Variants in KLF8 observed in about 807,000 individuals in gnomAD.
The protein encoded by KLF8 is Krueppel-like factor 8.
Under a neutral mutation model 18.2 loss-of-function variants are expected in KLF8, and 10 were observed. The ratio of observed to expected loss-of-function variants is 0.55; its 90% CI spans 0.34 to 0.93. The LOEUF (loss-of-function observed/expected upper bound fraction) is 0.93, where lower values mean the gene tolerates loss of function less well. Among genes scored for constraint, KLF8 ranks in the 40% least tolerant of loss-of-function variants. The pLI is 0.02. For missense variants in KLF8, 264 were observed against 277.9 expected (o/e 0.95, Z 0.36); for synonymous variants, 109 against 97.3 (o/e 1.12, Z -0.71).
At chrX:56,271,250 T>C (rs1409577425) in intron 5 of KLF8, among the ~76,000 whole-genome samples, 1 of 110,744 alleles carries the variant, frequency 9.0e-6, no homozygotes, top group Admixed American at 9.6e-5. Context: ...CCATGGATAC[T>C]GAGGGACGAC....
chrX:55,942,261 G>A, the KLF8 span, among the ~76,000 whole-genome samples: 20 of 110,145 alleles, frequency 1.8e-4, no homozygotes, highest in East Asian at 5.8e-4. Context: ...GCAAACTATC[G>A]CAAGGACAAA....
the KLF8 span, among the ~76,000 whole-genome samples, chrX:56,112,103 C>T: frequency 2.7e-5 from 3 of 111,814 alleles, no homozygotes; most frequent in South Asian, 1.1e-3. Flanking sequence ...CAATGATAGA[C>T]CGGATTCAGA....
the KLF8 span, among the ~76,000 whole-genome samples, chrX:56,071,118 A>G: frequency 2.7e-5 from 3 of 111,992 alleles, no homozygotes; most frequent in East Asian, 2.8e-4. Flanking sequence ...CCAATAGCTC[A>G]TAGGATTGTA....
chrX:56,224,368 A>G, the KLF8 span, among the ~76,000 whole-genome samples: 2 of 112,058 alleles, frequency 1.8e-5, no homozygotes, highest in Non-Finnish European at 3.8e-5. Context: ...CAAATTTGTC[A>G]TAGAAAATTT....
chrX:56,248,690 C>T (rs765995562), intron 1 of KLF8, among the ~76,000 whole-genome samples: 1 of 111,451 alleles, frequency 9.0e-6, no homozygotes, highest in South Asian at 3.8e-4. Flanking sequence ...TTTGGTGCCC[C>T]CCTGTGGGCT....
the KLF8 span, among the ~76,000 whole-genome samples, chrX:56,147,514 G>A: frequency 8.9e-6 from 1 of 111,791 alleles, no homozygotes; most frequent in Admixed American, 9.5e-5. Flanking sequence ...AGAAACCAGC[G>A]ACAAAAGGTC....
the KLF8 span, among the ~76,000 whole-genome samples, chrX:55,936,778 G>A: frequency 9.0e-6 from 1 of 110,979 alleles, no homozygotes; most frequent in Non-Finnish European, 1.9e-5. Context: ...CTGGCTGTTT[G>A]TTAGCACAGG....
intron 1 of KLF8, among the ~76,000 whole-genome samples, chrX:56,233,876 G>A (rs186965636): frequency 9.0e-6 from 1 of 111,485 alleles, no homozygotes; most frequent in Non-Finnish European, 1.9e-5. Context: ...TGCTTTGGGC[G>A]TGCCAGCTCT....
At chrX:56,244,642 T>A (rs2066598057) in intron 1 of KLF8, among the ~76,000 whole-genome samples, 1 of 112,162 alleles carries the variant, frequency 8.9e-6, no homozygotes, top group Non-Finnish European at 1.9e-5. Context: ...TATAGTTCTT[T>A]TTATCACCAT....
the KLF8 span, among the ~76,000 whole-genome samples, chrX:56,072,945 A>G: frequency 2.7e-5 from 3 of 110,167 alleles, no homozygotes; most frequent in African/African-American, 6.6e-5. Flanking sequence ...AAGGGGAATC[A>G]TACAATATTT....
chrX:56,129,629 C>A, the KLF8 span, among the ~76,000 whole-genome samples: 7 of 111,687 alleles, frequency 6.3e-5, no homozygotes, highest in Admixed American at 1.9e-4. Context: ...AAACCTCCAG[C>A]TAAACTTTGT....
the KLF8 span, among the ~76,000 whole-genome samples, chrX:56,176,323 G>C: frequency 9.0e-6 from 1 of 111,602 alleles, no homozygotes; most frequent in African/African-American, 3.3e-5. Context: ...TTCAGCATTT[G>C]CTTGTCTGTA....
the KLF8 span, among the ~76,000 whole-genome samples, chrX:56,069,412 T>A: frequency 9.0e-6 from 1 of 111,567 alleles, no homozygotes; most frequent in Non-Finnish European, 1.9e-5. Context: ...CCCCCACTAC[T>A]AGTAGCCAGG....
At chrX:56,282,406 G>A (rs1441837246) in intron 5 of KLF8, among the ~76,000 whole-genome samples, 1 of 112,304 alleles carries the variant, frequency 8.9e-6, no homozygotes, top group East Asian at 2.8e-4. Context: ...AGCAGCTAAT[G>A]CAGCTATTTC....
intron 1 of KLF8, among the ~76,000 whole-genome samples, chrX:56,234,161 A>G (rs1027668869): frequency 8.9e-6 from 1 of 111,759 alleles, no homozygotes; most frequent in Admixed American, 9.4e-5. Context: ...TTGGTATTAT[A>G]TTCATCGTGA....
rs769436410 is a variant in KLF8, at chrX:56,287,682, T to C, written c.*3188T>C. On this transcript the variant is annotated 3_prime_UTR_variant, in exon 6 of 6. Coordinates refer to ENST00000468660, the MANE Select transcript of KLF8 (RefSeq NM_007250.5). ...TGGGTAGATTAGGCAGAGTGCATTA[T>C]GGGCAAGACAAAGGTTTTCGATATT... 21 of 111,793 alleles carry C rather than the reference T, an allele frequency of 1.9e-4. No homozygotes were observed. The highest frequency in any genetic ancestry group is 3.0e-4 in the Non-Finnish European group (16 of 53,207). 9.2% of individuals were successfully genotyped at this position (111,793 alleles called of 1,213,427 possible). A position where few individuals can be genotyped will look rare whatever the true frequency, so the allele number is the denominator to read the frequency against.
At chrX:56,121,016 C>T in the KLF8 span, among the ~76,000 whole-genome samples, 1 of 109,701 alleles carries the variant, frequency 9.1e-6, no homozygotes, top group Non-Finnish European at 1.9e-5. Flanking sequence ...GAAACCCCGT[C>T]TCTACTGAAA....
the KLF8 span, among the ~76,000 whole-genome samples, chrX:55,917,655 C>G: frequency 9.0e-6 from 1 of 111,292 alleles, no homozygotes; most frequent in Non-Finnish European, 1.9e-5. Flanking sequence ...CACTCTTCTG[C>G]TAGCAGGAAA....
At chrX:56,136,850 A>C in the KLF8 span, among the ~76,000 whole-genome samples, 1 of 110,306 alleles carries the variant, frequency 9.1e-6, no homozygotes, top group Non-Finnish European at 1.9e-5. Context: ...TTCGCAACCT[A>C]CTCATCCGTC....
Sources: gnomAD v4.1 joint callset for allele counts (sites outside exome capture counted in the v4.1 genomes callset) on GRCh38, gnomAD v4.1.1 for gene constraint, MANE v1.5 for transcripts, NCBI Gene and HGNC (gene_info 2026-07-23, HGNC 2026-07-21) for gene names.